The following ZNF629 variants were observed in gnomAD, a reference collection of about 807,000 sequenced individuals.
The protein encoded by ZNF629 is DNA-binding protein.
Under a neutral mutation model 59.7 loss-of-function variants are expected in ZNF629, and 9 were observed. The observed-to-expected ratio is 0.15, with a 90% CI of 0.09 to 0.26. The LOEUF is 0.26. Ranked by LOEUF, ZNF629 falls within the 10% of genes least tolerant of loss-of-function variation. ZNF629 has a pLI of 1.00. For missense variants in ZNF629, 853 were observed against 1,165.4 expected, an observed-to-expected ratio of 0.73 and a Z score of 3.90; for synonymous variants, 509 against 498.9, an observed-to-expected ratio of 1.02 and a Z score of -0.27.
Position 30,783,525 on chromosome 16 carries a change from C to A in ZNF629, c.803G>T (p.Arg268Leu). Reference sequence around the variant, plus strand: ...GTCCGAGCTGCGGTAGAAAGCCCGGCGGCACTCGCCGCACTTGTAGGGCTT... The same window carrying A: ...GTCCGAGCTGCGGTAGAAAGCCCGGAGGCACTCGCCGCACTTGTAGGGCTT... ...GEKPYKCGEC[R>L]RAFYRSSDLI... Residue 268 changes from arginine (R) to leucine (L), a missense_variant, in exon 3 of 3, where the codon CGC becomes CTC. Around this residue, in one of 3 missense-constraint regions of ZNF629, gnomAD observed 201 missense variants for 536.5 expected, o/e 0.37. Coordinates refer to ENST00000262525, the MANE Select transcript of ZNF629 (RefSeq NM_001080417.3). 1.2e-6 allele frequency: 2 copies of A among 1,613,972 alleles called. No homozygotes were observed. Among genetic ancestry groups the A allele is most frequent in the Non-Finnish European group, 1.7e-6 (2 of 1,179,902 alleles).
In ZNF629 at chr16:30,783,556, C is replaced by T. The variant is rs745812317; in HGVS notation, c.772G>A (p.Gly258Ser). 1 of 1,613,454 alleles carries T rather than the reference C, an allele frequency of 6.2e-7. No homozygotes were observed. Among genetic ancestry groups the T allele is most frequent in the East Asian group, 2.2e-5 (1 of 44,770 alleles). The change falls in exon 3 of 3, where the codon GGC becomes AGC. Residue 258 changes from glycine (G) to serine (S), a missense_variant. By Grantham distance (56) the Gly-to-Ser change is moderately conservative. Transcript: ENST00000262525. Reference sequence around the variant, plus strand: ...TCGCCGCACTTGTAGGGCTTCTCGCCGGTGTGGGATCGCTGGTGCTTGATG... The same window carrying T: ...TCGCCGCACTTGTAGGGCTTCTCGCTGGTGTGGGATCGCTGGTGCTTGATG... ...NLIKHQRSHT[G>S]EKPYKCGECR...
At chr16:30,785,037 A>C (rs1567295884) in intron 1 of ZNF629, among the ~76,000 whole-genome samples, 1 of 152,186 alleles carries the variant, frequency 6.6e-6, no homozygotes, top group African/African-American at 2.4e-5. Context: ...GAGGAGACAG[A>C]GGCCCTCTAA....
In ZNF629 at chr16:30,779,275, T is replaced by C. The variant is rs1263526280; in HGVS notation, c.*2443A>G. 6.6e-6 allele frequency: 1 copy of C among 152,256 alleles called. No homozygotes were observed. The highest frequency in any genetic ancestry group is 6.5e-5 in the Admixed American group (1 of 15,278). 9.4% of individuals were successfully genotyped at this position (152,256 alleles called of 1,614,324 possible). ...CTGCCTGCCTCCCCCCAGACTGGCCTCTGAGCCCCAAAAGCTGCTCCCCAG... is the reference window on the plus strand; with the variant it reads ...CTGCCTGCCTCCCCCCAGACTGGCCCCTGAGCCCCAAAAGCTGCTCCCCAG... On this transcript the variant is annotated 3_prime_UTR_variant, in exon 3 of 3. Coordinates refer to ENST00000262525, the MANE Select transcript of ZNF629 (RefSeq NM_001080417.3).
Position 30,781,862 on chromosome 16 carries a change from T to G in ZNF629, c.2466A>C (p.Thr822=), listed in dbSNP as rs1227271315. 2.0e-5 allele frequency: 31 copies of G among 1,583,546 alleles called. No individual in the cohort carries two copies. Among genetic ancestry groups the G allele is most frequent in the Non-Finnish European group, 2.7e-5 (31 of 1,162,102 alleles). Residue 822 remains threonine, a synonymous_variant, in exon 3 of 3, where the codon ACA becomes ACC. Transcript: ENST00000262525. ...GCCCTTCCCCATGGCTGCTGCTCTCTGTGGGGGTAGGGGTCTCGCCCTCAC... is the reference window on the plus strand; with the variant it reads ...GCCCTTCCCCATGGCTGCTGCTCTCGGTGGGGGTAGGGGTCTCGCCCTCAC... ...QEGEGETPTP[T]ESSSHGEGQN...
chr16:30,782,321 C>G lies in ZNF629; in HGVS notation c.2007G>C (p.Glu669Asp), dbSNP rs1045687144. Reference protein sequence around the residue: ...SKTYICSHCGESFLDRSVLLQ... With the variant: ...SKTYICSHCGDSFLDRSVLLQ... ...GGAGCACAGAGCGATCCAGGAAGCT[C>G]TCTCCGCAGTGGGAGCAGATGTAGG... is the stretch of plus-strand genomic sequence containing the variant. Residue 669 changes from glutamate (E) to aspartate (D), a missense_variant, in exon 3 of 3, where the codon GAG becomes GAC. Transcript: ENST00000262525. The G allele has an allele frequency of 2.5e-6, 4 of 1,606,512 alleles. No homozygotes were observed. In the African/African-American group the frequency reaches 5.3e-5, roughly 21 times the overall value.
chr16:30,784,057 G>A lies in ZNF629; in HGVS notation c.271C>T (p.Pro91Ser), dbSNP rs1232245052. The A allele has an allele frequency of 6.3e-7, 1 of 1,591,850 alleles. No individual in the cohort carries two copies. The change falls in exon 3 of 3, where the codon CCC (proline) becomes TCC (serine). Residue 91 changes from proline (P) to serine (S), a missense_variant. By Grantham distance (74) the Pro-to-Ser change is moderately conservative. This residue lies in a region of ZNF629 where 232 missense variants were observed against 193.4 expected (regional missense o/e 1.20). Coordinates refer to ENST00000262525, the MANE Select transcript of ZNF629 (RefSeq NM_001080417.3). ...GHSNPLDHQIPLDPPAPEVVP... is the reference protein window; with the variant it reads ...GHSNPLDHQISLDPPAPEVVP... Reference sequence around the variant, plus strand: ...ACCTCCGGGGCTGGGGGGTCCAGGGGGATCTGGTGGTCCAAGGGATTGGAG... The same window carrying A: ...ACCTCCGGGGCTGGGGGGTCCAGGGAGATCTGGTGGTCCAAGGGATTGGAG...
At position 30,778,541 on chromosome 16, in the gene ZNF629, T is replaced by C. The variant is rs2054254825; in HGVS notation, c.*3177A>G. 6.5e-6 allele frequency: 1 copy of C among 152,702 alleles called. No homozygotes were observed. Among genetic ancestry groups the C allele is most frequent in the African/African-American group, 2.4e-5 (1 of 41,438 alleles). 9.5% of individuals were successfully genotyped at this position (152,702 alleles called of 1,614,324 possible). A position where few individuals can be genotyped will look rare whatever the true frequency, so the allele number is the denominator to read the frequency against. ...GTTTTGGACACACAACACTCAAAAA[T>C]GGGGCCTCTCTTCACTCCATGGGGA... On this transcript the variant is annotated 3_prime_UTR_variant, in exon 3 of 3. Coordinates refer to ENST00000262525, the MANE Select transcript of ZNF629 (RefSeq NM_001080417.3).
chr16:30,782,726 C>T lies in ZNF629; in HGVS notation c.1602G>A (p.Val534=). The change falls in exon 3 of 3, where the codon GTG becomes GTA. Residue 534 remains valine (V), a synonymous_variant. Transcript: ENST00000262525. ...CTGGGGTCTTCCCCCTCTCATGGAT[C>T]ACCCGGTGCTGCTCCAGCTCGTGGG... The part of the protein sequence containing the change: ...LEAHELEQHR[V]IHERGKTPAR... 6.2e-7 allele frequency: 1 copy of T among 1,613,054 alleles called. No individual in the cohort carries two copies. The highest frequency in any genetic ancestry group is 8.5e-7 in the Non-Finnish European group (1 of 1,179,788).
chr16:30,781,437 GT>G lies in ZNF629; in HGVS notation c.*280del. On this transcript the variant is annotated 3_prime_UTR_variant, in exon 3 of 3. Transcript: ENST00000262525. The stretch of plus-strand genomic sequence containing the variant: ...GCTTTTATCCACTATGGTTTATAGG[GT>G]TTTTCTGCTACAGACTTAAAGGGCT... 3.3e-6 allele frequency: 1 copy of G among 298,930 alleles called. No homozygotes were observed. The highest frequency in any genetic ancestry group is 5.9e-5 in the East Asian group (1 of 16,982). The allele number at this position is 298,930 out of a possible 1,614,324, so 18.5% of individuals were successfully genotyped here.
At position 30,783,735 on chromosome 16, in the gene ZNF629, C is replaced by T. The variant is rs1567295057; in HGVS notation, c.593G>A (p.Arg198His). ...GTAGGGCTTCTCGCCGGTGTGCGTGCGCTGGTGCTGCACCAGGTGCGAGCT... is the reference window on the plus strand; with the variant it reads ...GTAGGGCTTCTCGCCGGTGTGCGTGTGCTGGTGCTGCACCAGGTGCGAGCT... Reference protein sequence around the residue: ...TQSSHLVQHQRTHTGEKPYKC... With the variant: ...TQSSHLVQHQHTHTGEKPYKC... The change falls in exon 3 of 3, where the codon CGC becomes CAC. Residue 198 changes from arginine (R) to histidine (H), a missense_variant. Around this residue, in one of 3 missense-constraint regions of ZNF629, gnomAD observed 201 missense variants for 536.5 expected, o/e 0.37. Transcript: ENST00000262525. 1 of 1,613,798 alleles carries T rather than the reference C, an allele frequency of 6.2e-7. No individual in the cohort carries two copies. The highest frequency in any genetic ancestry group is 1.3e-5 in the African/African-American group (1 of 75,020).
Position 30,783,893 on chromosome 16 carries a change from C to T in ZNF629, c.435G>A (p.Gly145=). 5.6e-6 allele frequency: 9 copies of T among 1,599,244 alleles called. No homozygotes were observed. The highest frequency in any genetic ancestry group is 7.7e-6 in the Non-Finnish European group (9 of 1,171,896). Residue 145 remains glycine (G), a synonymous_variant, in exon 3 of 3, where the codon GGG becomes GGA. Coordinates refer to ENST00000262525, the MANE Select transcript of ZNF629 (RefSeq NM_001080417.3). ...CGTTGCAGATGTAGGGCTTCTCCGCCCCCGCCGGGCGGCCCTGCACCAGCT... is the reference window on the plus strand; with the variant it reads ...CGTTGCAGATGTAGGGCTTCTCCGCTCCCGCCGGGCGGCCCTGCACCAGCT... ...LRELVQGRPA[G]AEKPYICNEC... is the part of the protein sequence containing the mutation.
chr16:30,783,822 T>A lies in ZNF629; in HGVS notation c.506A>T (p.Gln169Leu). The change falls in exon 3 of 3, where the codon CAG becomes CTG. Residue 169 changes from glutamine (Q) to leucine (L), a missense_variant. By Grantham distance (113) the Gln-to-Leu change is moderately radical. This residue lies in a region of ZNF629 where 201 missense variants were observed against 536.5 expected (regional missense o/e 0.37). Transcript: ENST00000262525. ...FSQWSKLLRH[Q>L]RIHTGERPNT... The stretch of plus-strand genomic sequence containing the variant: ...GGGCCGCTCTCCCGTGTGGATGCGC[T>A]GGTGCCGCAGCAGCTTGGACCACTG... The A allele has an allele frequency of 6.2e-7, 1 of 1,613,110 alleles. No individual in the cohort carries two copies. The highest frequency in any genetic ancestry group is 1.1e-5 in the South Asian group (1 of 91,040).
chr16:30,785,591 C>T (rs1567296002), intron 1 of ZNF629, among the ~76,000 whole-genome samples: 1 of 152,108 alleles, frequency 6.6e-6, no homozygotes, highest in African/African-American at 2.4e-5. Flanking sequence ...TGCTGGTCTG[C>T]ACCCATGAGC....
rs920669198 is a variant in ZNF629 at position 30,786,878 on chromosome 16, C to A, written c.-34+150G>T. The A allele has an allele frequency of 3.3e-5, 5 of 151,960 alleles. No homozygotes were observed. Among genetic ancestry groups the A allele is most frequent in the African/African-American group, 1.2e-4 (5 of 41,476 alleles). The allele number at this position is 151,960 out of a possible 1,614,324, so 9.4% of individuals were successfully genotyped here. On this transcript the variant is annotated intron_variant, in intron 1 of 2. Transcript: ENST00000262525. The surrounding 1 kb of genome is among the most constrained non-coding windows in gnomAD (Gnocchi z 4.8). The stretch of plus-strand genomic sequence containing the variant: ...AGAATCCTCGGCCCTCCGCGCCCCC[C>A]GCCCGCCCCCACCCCGGCCACAGCC...
chr16:30,785,859 A>AAAATAAATAAAT (rs55733443), intron 1 of ZNF629, among the ~76,000 whole-genome samples: 32,299 of 139,816 alleles, frequency 0.23, 4,145 homozygotes, highest in East Asian at 0.35. Flanking sequence ...GCCCCCTGGT[A>AAAATAAATAAAT]AAATAAATAA....
chr16:30,782,822 A>G lies in ZNF629; in HGVS notation c.1506T>C (p.Ile502=), dbSNP rs1182778460. The G allele has an allele frequency of 2.5e-6, 4 of 1,613,876 alleles. No homozygotes were observed. The highest frequency in any genetic ancestry group is 3.4e-6 in the Non-Finnish European group (4 of 1,179,918). The change falls in exon 3 of 3, where the codon ATT becomes ATC. Residue 502 remains isoleucine (I), a synonymous_variant. Transcript: ENST00000262525. ...CGTCCATGTGCGTGCGGACGTGGGT[A>G]ATAAGGTTGGAGCTCTGGCTGAAGC... ...GKSFSQSSNL[I]THVRTHMDEN...
At position 30,781,747 on chromosome 16, in the gene ZNF629, T is replaced by C; in HGVS notation, c.2581A>G (p.Arg861Gly). 1.2e-6 allele frequency: 2 copies of C among 1,612,348 alleles called. No homozygotes were observed. The highest frequency in any genetic ancestry group is 1.1e-5 in the South Asian group (1 of 90,896). ...AGGGAGACACCTGGGTGGCAGCTCCTATGGAGCAGGAGGGCTGCGACTTCT... is the reference window on the plus strand; with the variant it reads ...AGGGAGACACCTGGGTGGCAGCTCCCATGGAGCAGGAGGGCTGCGACTTCT... ...FTEVAALLLH[R>G]SCHPGVSL Residue 861 changes from arginine to glycine, a missense_variant, in exon 3 of 3, where the codon AGG (arginine) becomes GGG (glycine). Physicochemically the swap from Arg to Gly is moderately radical, Grantham distance 125. Coordinates refer to ENST00000262525, the MANE Select transcript of ZNF629 (RefSeq NM_001080417.3).
chr16:30,782,410 G>T lies in ZNF629; in HGVS notation c.1918C>A (p.Pro640Thr). 6.4e-7 allele frequency: 1 copy of T among 1,568,026 alleles called. No individual in the cohort carries two copies. The highest frequency in any genetic ancestry group is 8.6e-7 in the Non-Finnish European group (1 of 1,156,212). The change falls in exon 3 of 3, where the codon CCC becomes ACC. Residue 640 changes from proline to threonine, a missense_variant. By Grantham distance (38) the Pro-to-Thr change is conservative. Around this residue, in one of 3 missense-constraint regions of ZNF629, gnomAD observed 420 missense variants for 435.6 expected, o/e 0.96. Coordinates refer to ENST00000262525, the MANE Select transcript of ZNF629 (RefSeq NM_001080417.3). ...AEGRAEAPGQ[P>T]LKPPEGQEGF... ...TCCTGACCCTCCGGCGGCTTAAGGG[G>T]CTGTCCGGGGGCCTCCGCTCTGCCC...
In ZNF629 at chr16:30,784,156, A is replaced by C; in HGVS notation, c.172T>G (p.Ser58Ala). ...GATCTCTCCAGGGACATCTCTGTTG[A>C]GTCCTTGGATTCTGGACTCTGAGCC... ...DPAQSPESKDSTEMSLERSSQ... is the reference protein window; with the variant it reads ...DPAQSPESKDATEMSLERSSQ... The change falls in exon 3 of 3, where the codon TCA becomes GCA. Residue 58 changes from serine (S) to alanine (A), a missense_variant. Coordinates refer to ENST00000262525, the MANE Select transcript of ZNF629 (RefSeq NM_001080417.3). 1 of 1,609,824 alleles carries C rather than the reference A, an allele frequency of 6.2e-7. No individual in the cohort carries two copies. The highest frequency in any genetic ancestry group is 8.5e-7 in the Non-Finnish European group (1 of 1,179,008).
Sources: gnomAD v4.1 joint callset for allele counts (sites outside exome capture counted in the v4.1 genomes callset) on GRCh38, gnomAD v4.1.1 for gene constraint, gnomAD v4.1.1 regional missense constraint, Gnocchi (gnomAD v3.1) non-coding constraint, MANE v1.5 for transcripts, NCBI Gene and HGNC (gene_info 2026-07-23, HGNC 2026-07-21) for gene names.